Variants in SNX13 observed in about 807,000 individuals in gnomAD.
SNX13 encodes sorting nexin-13.
In SNX13, 45 loss-of-function variants were observed where a neutral mutation model predicts 133.6. The observed-to-expected ratio is 0.34, with a 90% CI of 0.27 to 0.43. The LOEUF (loss-of-function observed/expected upper bound fraction) is 0.43. Ranked by LOEUF, SNX13 falls within the 20% of genes least tolerant of loss-of-function variation. The pLI is 1.00. For missense variants in SNX13, 1,032 were observed against 1,145.1 expected, an observed-to-expected ratio of 0.90 and a Z score of 1.43; for synonymous variants, 414 against 373.9, an observed-to-expected ratio of 1.11 and a Z score of -1.24.
intron 15 of SNX13, among the ~76,000 whole-genome samples, chr7:17,833,015 G>A (rs563633519): frequency 3.2e-4 from 49 of 151,560 alleles, no homozygotes; most frequent in Non-Finnish European, 6.1e-4. Flanking sequence ...ATTCTCAAGT[G>A]TGCTTGCCAT....
At chr7:17,898,581 A>G (rs1292206065) in intron 1 of SNX13, among the ~76,000 whole-genome samples, 3 of 152,224 alleles carry the variant, frequency 2.0e-5, no homozygotes, top group Admixed American at 6.5e-5. Flanking sequence ...GCATACCCAC[A>G]TAAGTTCACA....
At chr7:17,860,858 G>A (rs1402820994) in intron 9 of SNX13, among the ~76,000 whole-genome samples, 2 of 152,148 alleles carry the variant, frequency 1.3e-5, no homozygotes, top group African/African-American at 4.8e-5. Flanking sequence ...GTTAATTACT[G>A]TAGCTTTGTA....
In SNX13 at chr7:17,867,513, G is replaced by A. The variant is rs539349150; in HGVS notation, c.837+894C>T. 5.9e-4 allele frequency among the ~76,000 whole-genome samples: 90 copies of A among 152,040 alleles called. 1 individual carries two copies. In the South Asian group the frequency reaches 0.018, roughly 30 times the overall value. On this transcript the variant is annotated intron_variant, in intron 9 of 25. Coordinates refer to ENST00000428135, the MANE Select transcript of SNX13 (RefSeq NM_015132.5). ...TCCCAGCTACTTGGGAGGCTGAAGC[G>A]GGAGGATCACTTGAGCCAAGGAGGC...
At chr7:17,805,255 G>GTGCGCGCGCA (rs772458913) in intron 20 of SNX13, among the ~76,000 whole-genome samples, 1 of 86,824 alleles carries the variant, frequency 1.2e-5, no homozygotes, top group Non-Finnish European at 2.8e-5. Context: ...GTGTGTGCGT[G>GTGCGCGCGCA]CGCGCGCGCG....
chr7:17,919,248 T>C (rs181624721), intron 1 of SNX13, among the ~76,000 whole-genome samples: 1 of 152,152 alleles, frequency 6.6e-6, no homozygotes, highest in East Asian at 1.9e-4. Flanking sequence ...TAAAATAATT[T>C]GAAAAACAAA....
intron 1 of SNX13, among the ~76,000 whole-genome samples, chr7:17,923,909 T>C (rs114214132): frequency 1.3e-5 from 2 of 152,180 alleles, no homozygotes; most frequent in Admixed American, 1.3e-4. Flanking sequence ...CAATAAAATA[T>C]TCTATAAATA....
At chr7:17,937,008 A>T (rs1802132775) in intron 1 of SNX13, among the ~76,000 whole-genome samples, 1 of 143,674 alleles carries the variant, frequency 7.0e-6, no homozygotes, top group African/African-American at 2.5e-5. Context: ...CATTAAAAAA[A>T]ATAAAATAAA....
At position 17,801,700 on chromosome 7, in the gene SNX13, C is replaced by G. The variant is rs1470678081; in HGVS notation, c.2227-41G>C. The G allele has an allele frequency of 2.7e-6, 4 of 1,456,720 alleles. No homozygotes were observed. The African/African-American group carries it at 4.2e-5, about 15-fold the overall frequency. 90.2% of individuals were successfully genotyped at this position (1,456,720 alleles called of 1,614,324 possible). ...AATCCACAAAGTAAACACACTAAAG[C>G]AGACAGTGAAAGAACACAACACAAT... On this transcript the variant is annotated intron_variant, in intron 21 of 25. Transcript: ENST00000428135.
chr7:17,795,147 T>G (rs1264029565), intron 25 of SNX13: 1 of 151,532 alleles, frequency 6.6e-6, no homozygotes, highest in African/African-American at 2.4e-5. Context: ...GCAAAGAAAA[T>G]AGAAAACCGA....
chr7:17,892,501 T>TAA (rs977738946), intron 3 of SNX13, among the ~76,000 whole-genome samples: 1 of 137,646 alleles, frequency 7.3e-6, no homozygotes, highest in African/African-American at 2.7e-5. Context: ...GACTTATAAG[T>TAA]AAAAAAAAAA....
At chr7:17,926,946 A>G (rs1800817205) in intron 1 of SNX13, among the ~76,000 whole-genome samples, 1 of 152,174 alleles carries the variant, frequency 6.6e-6, no homozygotes, top group Non-Finnish European at 1.5e-5. Context: ...CAGCAATTCA[A>G]AACAGGAAAT....
intron 1 of SNX13, among the ~76,000 whole-genome samples, chr7:17,924,230 TA>T (rs1800459854): frequency 2.0e-5 from 3 of 152,248 alleles, no homozygotes; most frequent in Admixed American, 2.0e-4. Context: ...GCAAATCATG[TA>T]TCTGATTAAT....
chr7:17,901,682 A>G (rs1583693913), intron 1 of SNX13, among the ~76,000 whole-genome samples: 1 of 152,218 alleles, frequency 6.6e-6, no homozygotes, highest in South Asian at 2.1e-4. Context: ...CTGCCAGGGG[A>G]TGAGGGAGGG....
chr7:17,891,139 GT>G (rs890218783), intron 4 of SNX13, among the ~76,000 whole-genome samples: 3 of 151,754 alleles, frequency 2.0e-5, no homozygotes, highest in African/African-American at 7.2e-5. Flanking sequence ...AGGGGGCATA[GT>G]TTTTTTACCT....
intron 5 of SNX13, among the ~76,000 whole-genome samples, chr7:17,887,184 C>T (rs188519954): frequency 3.9e-5 from 6 of 152,286 alleles, no homozygotes; most frequent in Admixed American, 2.6e-4. Context: ...ATCTCATTTT[C>T]CCCTTACAAC....
chr7:17,837,340 A>G (rs1583422728), intron 13 of SNX13, among the ~76,000 whole-genome samples: 1 of 151,990 alleles, frequency 6.6e-6, no homozygotes, highest in Non-Finnish European at 1.5e-5. Context: ...AGATCTTGCT[A>G]TGTTGTCCAT....
chr7:17,803,880 T>TAAA (rs757897385), intron 20 of SNX13, among the ~76,000 whole-genome samples: 1,056 of 77,718 alleles, frequency 0.014, 25 homozygotes, highest in African/African-American at 0.047. Flanking sequence ...ACCCCATCTC[T>TAAA]AAAAAAAAAA....
intron 5 of SNX13, among the ~76,000 whole-genome samples, chr7:17,886,358 A>G (rs1269228040): frequency 6.6e-6 from 1 of 152,090 alleles, no homozygotes; most frequent in Non-Finnish European, 1.5e-5. Flanking sequence ...TCACAAGGTC[A>G]GGAGTTCGAG....
chr7:17,829,344 G>A (rs1357411688), intron 16 of SNX13, among the ~76,000 whole-genome samples: 1 of 151,396 alleles, frequency 6.6e-6, no homozygotes, highest in Non-Finnish European at 1.5e-5. Flanking sequence ...CTTAGAAAAT[G>A]AGTTATTCAG....
Sources: allele counts gnomAD v4.1 joint callset (sites outside exome capture counted in the v4.1 genomes callset), GRCh38; gene constraint gnomAD v4.1.1; transcripts MANE v1.5; gene names NCBI Gene and HGNC (gene_info 2026-07-23, HGNC 2026-07-21).